Variants in PGCKA1 observed in about 807,000 individuals in gnomAD.
PGCKA1 encodes PDCD10 and GCKIII kinases associated 1, also known as PDCD10 and GCKIII kinases-associated protein 1.
chr4:37,481,595 G>T, the PGCKA1 span, among the ~76,000 whole-genome samples: 3 of 150,834 alleles, frequency 2.0e-5, no homozygotes, highest in East Asian at 2.0e-4. Flanking sequence ...TCTTCACATG[G>T]TTATCCCTCA....
At chr4:37,568,699 G>GT in the PGCKA1 span, among the ~76,000 whole-genome samples, 1 of 152,224 alleles carries the variant, frequency 6.6e-6, no homozygotes, top group African/African-American at 2.4e-5. Flanking sequence ...GGTGCCCCAC[G>GT]TGCAGCACGG....
At chr4:37,458,823 A>G in the PGCKA1 span, among the ~76,000 whole-genome samples, 1 of 152,248 alleles carries the variant, frequency 6.6e-6, no homozygotes, top group African/African-American at 2.4e-5. Context: ...GCATGGATTC[A>G]GGGAGGGATG....
chr4:37,579,137 A>C, the PGCKA1 span, among the ~76,000 whole-genome samples: 27 of 152,326 alleles, frequency 1.8e-4, no homozygotes, highest in Admixed American at 1.7e-3. Flanking sequence ...CAACAAGAAA[A>C]AAAACCAAAA....
chr4:37,553,973 GT>G, the PGCKA1 span, among the ~76,000 whole-genome samples: 1 of 152,174 alleles, frequency 6.6e-6, no homozygotes, highest in Non-Finnish European at 1.5e-5. Flanking sequence ...CCTTGATACA[GT>G]GATATAGTTT....
the PGCKA1 span, among the ~76,000 whole-genome samples, chr4:37,545,342 GT>G: frequency 6.6e-6 from 1 of 152,102 alleles, no homozygotes; most frequent in African/African-American, 2.4e-5. Flanking sequence ...GTCCTCTACT[GT>G]TGTTTCCAGT....
At chr4:37,569,829 G>A in the PGCKA1 span, among the ~76,000 whole-genome samples, 1 of 152,056 alleles carries the variant, frequency 6.6e-6, no homozygotes, top group Admixed American at 6.6e-5. Flanking sequence ...CTTTTCCAGG[G>A]AGAAAACCCA....
chr4:37,456,355 T>G, the PGCKA1 span, among the ~76,000 whole-genome samples: 15 of 152,178 alleles, frequency 9.9e-5, no homozygotes, highest in Admixed American at 5.9e-4. Flanking sequence ...AATATCATAG[T>G]CCCACAGAGG....
chr4:37,572,354 A>C, the PGCKA1 span, among the ~76,000 whole-genome samples: 37,109 of 151,974 alleles, frequency 0.24, 4,602 homozygotes, highest in South Asian at 0.34. Context: ...GCGTGAGCCA[A>C]CGTGCCCGGC....
chr4:37,491,090 C>T, the PGCKA1 span, among the ~76,000 whole-genome samples: 1 of 152,124 alleles, frequency 6.6e-6, no homozygotes, highest in Non-Finnish European at 1.5e-5. Context: ...TCATAAGGTT[C>T]CTTAAGGAAA....
At chr4:37,577,934 T>C in the PGCKA1 span, among the ~76,000 whole-genome samples, 1 of 152,218 alleles carries the variant, frequency 6.6e-6, no homozygotes, top group East Asian at 1.9e-4. Context: ...TTCAATTTTT[T>C]TGAATGTTTT....
the PGCKA1 span, among the ~76,000 whole-genome samples, chr4:37,485,557 C>A: frequency 6.6e-6 from 1 of 152,080 alleles, no homozygotes; most frequent in Non-Finnish European, 1.5e-5. Context: ...AGAAATAAAT[C>A]TCTGGTCTTT....
At chr4:37,541,185 C>A in the PGCKA1 span, among the ~76,000 whole-genome samples, 2 of 152,132 alleles carry the variant, frequency 1.3e-5, no homozygotes, top group African/African-American at 4.8e-5. Flanking sequence ...CCTCTCCCCA[C>A]CTAACCCCAG....
the PGCKA1 span, among the ~76,000 whole-genome samples, chr4:37,552,347 T>C: frequency 1.3e-5 from 2 of 152,154 alleles, no homozygotes; most frequent in Non-Finnish European, 2.9e-5. Context: ...GGGACAGAAA[T>C]TGTGCACTTG....
chr4:37,509,901 G>A, the PGCKA1 span, among the ~76,000 whole-genome samples: 2 of 149,998 alleles, frequency 1.3e-5, no homozygotes, highest in African/African-American at 2.4e-5. Context: ...GCAGTGAGCC[G>A]AGATGGTGGC....
chr4:37,463,030 C>T, the PGCKA1 span, among the ~76,000 whole-genome samples: 959 of 150,554 alleles, frequency 6.4e-3, 13 homozygotes, highest in African/African-American at 0.023. Flanking sequence ...CTTCAGTGGT[C>T]CAAACCCCTC....
the PGCKA1 span, among the ~76,000 whole-genome samples, chr4:37,486,856 C>T: frequency 1.3e-5 from 2 of 152,326 alleles, no homozygotes; most frequent in African/African-American, 4.8e-5. Context: ...GCTAAAATTA[C>T]TGTCACAGAC....
the PGCKA1 span, among the ~76,000 whole-genome samples, chr4:37,567,315 C>A: frequency 6.6e-6 from 1 of 152,170 alleles, no homozygotes; most frequent in African/African-American, 2.4e-5. Context: ...CAGTCCTTGG[C>A]ACATAGAAAA....
the PGCKA1 span, among the ~76,000 whole-genome samples, chr4:37,535,583 C>T: frequency 1.3e-3 from 195 of 152,250 alleles, no homozygotes; most frequent in Admixed American, 2.0e-3. Flanking sequence ...TCTGTTCATT[C>T]AGGTCTCCCA....
chr4:37,558,394 G>A, the PGCKA1 span, among the ~76,000 whole-genome samples: 1 of 152,058 alleles, frequency 6.6e-6, no homozygotes, highest in African/African-American at 2.4e-5. Context: ...AGCTTCTCCC[G>A]TAATGTCCAT....
Sources: allele counts gnomAD v4.1 joint callset (sites outside exome capture counted in the v4.1 genomes callset), GRCh38; gene constraint gnomAD v4.1.1; transcripts MANE v1.5; gene names NCBI Gene and HGNC (gene_info 2026-07-23, HGNC 2026-07-21).